Variants in SNAP91 observed in about 807,000 individuals in gnomAD.
SNAP91 encodes synaptosome associated protein 91, also known as clathrin coat assembly protein AP180.
A neutral mutation model predicts 100.3 loss-of-function variants in SNAP91; 27 were observed. That is an observed-to-expected ratio of 0.27 (90% CI 0.20 to 0.37). The LOEUF is 0.37. Among genes scored for constraint, SNAP91 ranks in the 10% least tolerant of loss-of-function variants. SNAP91 has a pLI of 1.00. For missense variants in SNAP91, 986 were observed against 1,123.7 expected (o/e 0.88, Z 1.75); for synonymous variants, 404 against 398.6 (o/e 1.01, Z -0.16).
chr6:83,686,285 C>A (rs1292269442), intron 2 of SNAP91: 3 of 677,810 alleles, frequency 4.4e-6, no homozygotes, highest in Non-Finnish European at 1.8e-6. Flanking sequence ...CAGTTAAGCA[C>A]TATTTTGGTG....
At chr6:83,578,374 ACTGGTTATATGT>A (rs1009748389) in intron 24 of SNAP91, among the ~76,000 whole-genome samples, 3 of 152,078 alleles carry the variant, frequency 2.0e-5, no homozygotes, top group African/African-American at 7.2e-5. Context: ...CCTCATCAAT[ACTGGTTATATGT>A]CTTTTTAGTT....
intron 2 of SNAP91, chr6:83,689,775 T>A (rs2099107786): frequency 6.6e-6 from 1 of 152,132 alleles, no homozygotes; most frequent in Non-Finnish European, 1.5e-5. Flanking sequence ...CTTATAATTT[T>A]CTATTAATCC....
intron 2 of SNAP91, among the ~76,000 whole-genome samples, chr6:83,702,759 TA>T (rs1488875275): frequency 6.6e-6 from 1 of 152,054 alleles, no homozygotes; most frequent in African/African-American, 2.4e-5. Flanking sequence ...ATTATACCAT[TA>T]AAAAAAGATT....
At chr6:83,654,606 C>T (rs1199012417) in intron 7 of SNAP91, among the ~76,000 whole-genome samples, 3 of 151,892 alleles carry the variant, frequency 2.0e-5, no homozygotes, top group African/African-American at 4.8e-5. Context: ...GTGGTTATAT[C>T]CTCAGTTTTC....
intron 2 of SNAP91, chr6:83,689,618 T>C (rs1389672384): frequency 9.9e-5 from 15 of 152,136 alleles, no homozygotes; most frequent in Admixed American, 9.8e-4. Context: ...TCAAATTCAG[T>C]ATGATGGTGC....
intron 2 of SNAP91, among the ~76,000 whole-genome samples, chr6:83,705,561 T>C (rs560931568): frequency 6.6e-6 from 1 of 152,238 alleles, no homozygotes; most frequent in Non-Finnish European, 1.5e-5. Flanking sequence ...TCCCAGCACT[T>C]TGGGAGGCCA....
chr6:83,637,118 C>T (rs567741810), intron 8 of SNAP91, among the ~76,000 whole-genome samples: 6 of 152,276 alleles, frequency 3.9e-5, no homozygotes, highest in Middle Eastern at 3.4e-3. Context: ...TTTTTCAGTG[C>T]GTATGTGGCA....
intron 2 of SNAP91, among the ~76,000 whole-genome samples, chr6:83,685,666 C>A (rs934817661): frequency 1.1e-4 from 17 of 152,152 alleles, no homozygotes; most frequent in African/African-American, 4.1e-4. Flanking sequence ...CACCTCCTAC[C>A]AACCTTGCAG....
At position 83,617,056 on chromosome 6, in the gene SNAP91, A is replaced by G; in HGVS notation, c.808-17T>C. ...GCTGGGAGCCTACAATAAGAAAGTA[A>G]AAATAAATGTCTGCATTGTTTACTT... On this transcript the variant is annotated splice_polypyrimidine_tract_variant and intron_variant, in intron 9 of 29. Transcript: ENST00000369694. The G allele has an allele frequency of 6.7e-7, 1 of 1,501,154 alleles. No individual in the cohort carries two copies. The highest frequency in any genetic ancestry group is 9.0e-7 in the Non-Finnish European group (1 of 1,109,070). 93.0% of individuals were successfully genotyped at this position (1,501,154 alleles called of 1,614,324 possible).
chr6:83,636,019 T>A (rs144936880), intron 8 of SNAP91, among the ~76,000 whole-genome samples: 4 of 152,346 alleles, frequency 2.6e-5, no homozygotes, highest in Non-Finnish European at 5.9e-5. Context: ...GCTTGTAAAG[T>A]TTCTTTTGAG....
At chr6:83,627,906 T>C (rs867639458) in intron 8 of SNAP91, among the ~76,000 whole-genome samples, 7 of 151,872 alleles carry the variant, frequency 4.6e-5, no homozygotes, top group Admixed American at 2.0e-4. Context: ...TTTGGTTACA[T>C]GAGTAAGTCC....
chr6:83,662,432 A>C lies in SNAP91; in HGVS notation c.274-10T>G, dbSNP rs1361514120. ...AATATTGAATAAATCTCTGAAAAAC[A>C]AAAATTAGAATTAAACACACATTTT... On this transcript the variant is annotated splice_polypyrimidine_tract_variant and intron_variant, in intron 3 of 29. Coordinates refer to ENST00000369694, the MANE Select transcript of SNAP91 (RefSeq NM_001242792.2). The C allele has an allele frequency of 9.0e-7, 1 of 1,110,480 alleles. No individual in the cohort carries two copies. The highest frequency in any genetic ancestry group is 1.6e-5 in the African/African-American group (1 of 61,720). The allele number at this position is 1,110,480 out of a possible 1,614,324, so 68.8% of individuals were successfully genotyped here. A position where few individuals can be genotyped will look rare whatever the true frequency, so the allele number is the denominator to read the frequency against.
intron 8 of SNAP91, among the ~76,000 whole-genome samples, chr6:83,630,126 T>C (rs1212952487): frequency 1.3e-5 from 2 of 152,168 alleles, no homozygotes; most frequent in Non-Finnish European, 2.9e-5. Flanking sequence ...TTTTTATTTT[T>C]AATTCTGATT....
At chr6:83,599,847 G>A (rs766359976) in intron 16 of SNAP91, among the ~76,000 whole-genome samples, 7 of 152,082 alleles carry the variant, frequency 4.6e-5, no homozygotes, top group South Asian at 2.1e-4. Flanking sequence ...GTGCAGTGGC[G>A]TGATCAGGCT....
At chr6:83,628,326 T>C (rs1001658660) in intron 8 of SNAP91, among the ~76,000 whole-genome samples, 6 of 151,170 alleles carry the variant, frequency 4.0e-5, no homozygotes, top group African/African-American at 9.7e-5. Flanking sequence ...TGTGCTGCTA[T>C]AAACATGTGT....
At chr6:83,678,779 G>C in intron 2 of SNAP91, 1 of 1,288,852 alleles carries the variant, frequency 7.8e-7, no homozygotes, top group Non-Finnish European at 1.0e-6. Context: ...AAGCCTTACT[G>C]TTATTATTCT....
intron 24 of SNAP91, among the ~76,000 whole-genome samples, chr6:83,579,609 G>A (rs914308686): frequency 2.0e-5 from 3 of 152,098 alleles, no homozygotes; most frequent in African/African-American, 7.2e-5. Flanking sequence ...TAAGAGCAAA[G>A]GTCGATCTTT....
chr6:83,687,754 T>G (rs1158444586), intron 2 of SNAP91, among the ~76,000 whole-genome samples: 1 of 152,134 alleles, frequency 6.6e-6, no homozygotes, highest in African/African-American at 2.4e-5. Context: ...TAAGAGATGA[T>G]GAAAACTGGG....
chr6:83,619,507 C>T (rs1190221435), intron 9 of SNAP91, among the ~76,000 whole-genome samples: 1 of 152,122 alleles, frequency 6.6e-6, no homozygotes, highest in African/African-American at 2.4e-5. Flanking sequence ...TGAGCAGGCT[C>T]TTTAGTTGCT....
Sources: allele counts gnomAD v4.1 joint callset (sites outside exome capture counted in the v4.1 genomes callset), GRCh38; gene constraint gnomAD v4.1.1; transcripts MANE v1.5; gene names NCBI Gene and HGNC (gene_info 2026-07-23, HGNC 2026-07-21).